The following DDX21 variants were observed in gnomAD, a reference collection of about 807,000 sequenced individuals.
DDX21 encodes nucleolar RNA helicase 2.
In DDX21, 18 loss-of-function variants were observed where a neutral mutation model predicts 90.0. The ratio of observed to expected loss-of-function variants is 0.20; its 90% CI spans 0.14 to 0.30. The LOEUF is 0.30. DDX21 is among the 10% of genes least tolerant of loss of function. The probability of loss-of-function intolerance (pLI) is 1.00; values close to 1 mark genes in which losing one functional copy is unlikely to be tolerated. For synonymous variants in DDX21, 294 were observed against 318.0 expected, an observed-to-expected ratio of 0.92 and a Z score of 0.80; for missense variants, 673 against 944.5, an observed-to-expected ratio of 0.71 and a Z score of 3.77.
chr10:68,981,437 T>C (rs751203827), intron 13 of DDX21, 100 bp from the exon 14 acceptor site: 10 of 1,131,584 alleles, frequency 8.8e-6, no homozygotes, highest in African/African-American at 1.6e-5. Context: ...TTTTGCTTTA[T>C]GTTTTTTGTT....
chr10:68,981,307 A>C (rs1366966787), intron 13 of DDX21, among the ~76,000 whole-genome samples: 1 of 152,222 alleles, frequency 6.6e-6, no homozygotes, highest in Non-Finnish European at 1.5e-5. Context: ...ATAGTTAGAA[A>C]GTTCTAAATC....
At chr10:68,974,499 CCTGGAGCTCT>C (rs887045564) in intron 10 of DDX21, among the ~76,000 whole-genome samples, 161 bp from the exon 11 acceptor site, 1 of 152,168 alleles carries the variant, frequency 6.6e-6, no homozygotes, top group Non-Finnish European at 1.5e-5. Flanking sequence ...ATAGCAGAAA[CCTGGAGCTCT>C]CTGTACTGTC....
intron 2 of DDX21, among the ~76,000 whole-genome samples, chr10:68,961,660 A>G (rs1320641390): frequency 6.6e-6 from 1 of 152,228 alleles, no homozygotes; most frequent in Non-Finnish European, 1.5e-5. Flanking sequence ...ATAATGCCAC[A>G]GTGACTGCTA....
intron 9 of DDX21, 42 bp downstream of exon 9, chr10:68,972,094 T>A (rs772621332): frequency 1.3e-6 from 2 of 1,580,330 alleles, no homozygotes; most frequent in Admixed American, 3.8e-5. Flanking sequence ...TTTGTTTTTT[T>A]TGGGTATTAA....
intron 8 of DDX21, among the ~76,000 whole-genome samples, chr10:68,970,998 A>C (rs1589286561): frequency 1.0e-5 from 1 of 98,566 alleles, no homozygotes; most frequent in African/African-American, 4.1e-5. Context: ...ACAGGGTCTC[A>C]CTCCCTTTGC....
intron 11 of DDX21, 116 bp from the exon 12 acceptor site, chr10:68,977,409 AAAAT>A (rs1843116987): frequency 3.1e-6 from 3 of 957,396 alleles, no homozygotes; most frequent in Admixed American, 4.9e-5. Flanking sequence ...TACTGCATCA[AAAAT>A]AAATATGTTA....
At chr10:68,964,569 C>A (rs1033955153) in intron 4 of DDX21, among the ~76,000 whole-genome samples, 4 of 151,704 alleles carry the variant, frequency 2.6e-5, no homozygotes, top group African/African-American at 9.7e-5. Flanking sequence ...ACCATGTTGG[C>A]CAGGCTGGTC....
In DDX21 at chr10:68,980,816, G is replaced by A. The variant is rs540292602; in HGVS notation, c.2038-721G>A. Among the ~76,000 whole-genome samples the A allele has an allele frequency of 6.9e-5, 9 of 131,094 alleles. No homozygotes were observed. The South Asian group carries it at 2.3e-3, about 34-fold the overall frequency. 86.0% of individuals were successfully genotyped at this position (131,094 alleles called of 152,430 possible). On this transcript the variant is annotated intron_variant, in intron 13 of 14. Transcript: ENST00000354185. ...TTGAGACCAGCCTGGGTAATGTAGT[G>A]AGACCCTGTCTCTACCAAAAAAAAA...
At chr10:68,973,442 G>A in intron 9 of DDX21, 103 bp from the exon 10 acceptor site, 1 of 1,455,774 alleles carries the variant, frequency 6.9e-7, no homozygotes, top group Non-Finnish European at 9.5e-7. Context: ...CATGTCCCCA[G>A]GTTTATAACC....
In DDX21 at chr10:68,959,995, A is replaced by G. The variant is rs200379451; in HGVS notation, c.277A>G (p.Lys93Glu). The change falls in exon 2 of 15, where the codon AAA (lysine) becomes GAA (glutamate). Residue 93 changes from lysine to glutamate, a missense_variant. Coordinates refer to ENST00000354185, the MANE Select transcript of DDX21 (RefSeq NM_004728.4). ...TCAAAATGACATTTCTCCTAAAACC[A>G]AAAGTTTGAGAAAGAAAAAGGAGCC... Reference protein sequence around the residue: ...PSQNDISPKTKSLRKKKEPIE... With the variant: ...PSQNDISPKTESLRKKKEPIE... 1.4e-5 allele frequency: 23 copies of G among 1,607,652 alleles called. No homozygotes were observed. The highest frequency in any genetic ancestry group is 3.5e-4 in the Middle Eastern group (2 of 5,752).
chr10:68,970,484 A>ATT, intron 8 of DDX21, 134 bp downstream of exon 8: 2 of 750,760 alleles, frequency 2.7e-6, no homozygotes, highest in South Asian at 2.8e-5. Flanking sequence ...AGAGGAAGCT[A>ATT]CTTTTTTTTT....
Position 68,984,462 on chromosome 10 carries a change from A to G in DDX21, c.*1650A>G, listed in dbSNP as rs191130943. 2.4e-4 allele frequency: 37 copies of G among 152,212 alleles called. No homozygotes were observed. The highest frequency in any genetic ancestry group is 5.0e-4 in the Non-Finnish European group (34 of 68,012). The allele number at this position is 152,212 out of a possible 1,614,324, so 9.4% of individuals were successfully genotyped here. ...GAATTCTCTTGGCTTTTATTCCTTG[A>G]TCCACTTGCCAGTTTTATCACTTTA... On this transcript the variant is annotated 3_prime_UTR_variant, in exon 15 of 15. Transcript: ENST00000354185.
intron 13 of DDX21, 87 bp from the exon 14 acceptor site, chr10:68,981,450 C>A: frequency 2.4e-6 from 3 of 1,246,536 alleles, no homozygotes; most frequent in Non-Finnish European, 3.4e-6. Flanking sequence ...TTTTTGTTTT[C>A]TTTTTTTTAA....
chr10:68,983,734 G>A lies in DDX21; in HGVS notation c.*922G>A, dbSNP rs1843229363. The A allele has an allele frequency of 6.8e-6, 1 of 148,060 alleles. No homozygotes were observed. The highest frequency in any genetic ancestry group is 1.5e-5 in the Non-Finnish European group (1 of 67,138). 9.2% of individuals were successfully genotyped at this position (148,060 alleles called of 1,614,324 possible). ...AAAAAAAAAAAGAACCAAACCACTG[G>A]AAATAATCAAATGCAAAAAGGTAAC... is the stretch of plus-strand genomic sequence containing the variant. On this transcript the variant is annotated 3_prime_UTR_variant, in exon 15 of 15. Coordinates refer to ENST00000354185, the MANE Select transcript of DDX21 (RefSeq NM_004728.4).
chr10:68,961,367 A>G (rs1227788878), intron 2 of DDX21, among the ~76,000 whole-genome samples: 1 of 152,248 alleles, frequency 6.6e-6, no homozygotes, highest in Non-Finnish European at 1.5e-5. Flanking sequence ...AAAGAAAGAA[A>G]TGCTTCCTGG....
intron 9 of DDX21, 105 bp from the exon 10 acceptor site, chr10:68,973,440 C>A: frequency 7.0e-7 from 1 of 1,428,472 alleles, no homozygotes. Context: ...CTCATGTCCC[C>A]AGGTTTATAA....
chr10:68,964,430 A>G (rs900307527), intron 4 of DDX21, among the ~76,000 whole-genome samples: 4 of 152,024 alleles, frequency 2.6e-5, no homozygotes, highest in Admixed American at 6.6e-5. Context: ...GTTTCATACC[A>G]TTACCCTATT....
intron 2 of DDX21, among the ~76,000 whole-genome samples, chr10:68,961,102 TAAAA>T (rs1256287847): frequency 2.6e-5 from 4 of 152,284 alleles, no homozygotes; most frequent in African/African-American, 9.6e-5. Context: ...CGAATTGTAT[TAAAA>T]AAATTTGTTT....
intron 8 of DDX21, among the ~76,000 whole-genome samples, chr10:68,970,657 T>C (rs1843012352): frequency 6.6e-6 from 1 of 151,990 alleles, no homozygotes; most frequent in African/African-American, 2.4e-5. Flanking sequence ...ATTTTGTTTT[T>C]TCTTTATTTT....
Sources: allele counts gnomAD v4.1 joint callset (sites outside exome capture counted in the v4.1 genomes callset), GRCh38; gene constraint gnomAD v4.1.1; transcripts MANE v1.5; gene names NCBI Gene and HGNC (gene_info 2026-07-23, HGNC 2026-07-21).